ABCA7: variants seen among roughly 807,000 people sequenced by gnomAD.
The protein encoded by ABCA7 is phospholipid-transporting ATPase ABCA7.
Under a neutral mutation model 227.6 loss-of-function variants are expected in ABCA7, and 261 were observed. That is an observed-to-expected ratio of 1.15 (90% CI 1.04 to 1.27). The LOEUF is 1.27. Ranked by LOEUF, ABCA7 falls within the 50% of genes most tolerant of loss-of-function variation. The pLI is 0.00. For missense variants in ABCA7, 3,331 were observed against 2,924.5 expected (o/e 1.14, Z -3.21); for synonymous variants, 1,488 against 1,279.7 (o/e 1.16, Z -3.47).
In ABCA7 at chr19:1,060,294, C is replaced by T. The variant is rs142401317; in HGVS notation, c.5463+1209C>T. Among the ~76,000 whole-genome samples, 190 of 151,812 alleles carry T rather than the reference C, an allele frequency of 1.3e-3. No homozygotes were observed. In the East Asian group the frequency reaches 0.034, roughly 27 times the overall value. On this transcript the variant is annotated intron_variant, in intron 40 of 46. Transcript: ENST00000263094. ...TGGTGTAATCTTGGCTCACGGTAAC[C>T]TCCGCCTCCCAGGTTCAAGCGATTC... is the stretch of plus-strand genomic sequence containing the variant.
In ABCA7 at chr19:1,056,187, G is replaced by T; in HGVS notation, c.4360G>T (p.Val1454Phe). 6.2e-7 allele frequency: 1 copy of T among 1,606,922 alleles called. No homozygotes were observed. The highest frequency in any genetic ancestry group is 1.1e-5 in the South Asian group (1 of 90,778). Residue 1454 changes from valine to phenylalanine, a missense_variant, in exon 32 of 47, where the codon GTC (valine) becomes TTC (phenylalanine). Physicochemically the swap from Val to Phe is conservative, Grantham distance 50. Coordinates refer to ENST00000263094, the MANE Select transcript of ABCA7 (RefSeq NM_019112.4). The surrounding 1 kb of genome is among the most constrained non-coding windows in gnomAD (Gnocchi z 4.3). ...SPLPGGALDR[V>F]LKNLTAWAHS... ...CCTGCCTGGCGGGGCCCTCGACCGT[G>T]TCCTGAAAAACCTCACAGCCTGGGC...
chr19:1,047,520 AG>A lies in ABCA7; in HGVS notation c.2138del (p.Gly713AlafsTer84). Reference protein sequence around the residue: ...ESLALLEEQGEGAQWHNVGTR... With the variant: ...ESLALLEEQGXGAQWHNVGTR... Reference sequence around the variant, plus strand: ...CTGGCTCTGCTGGAGGAGCAGGGCGAGGGCGCGCAGTGGCACAACGTGGGCA... The same window carrying A: ...CTGGCTCTGCTGGAGGAGCAGGGCGAGGCGCGCAGTGGCACAACGTGGGCA... On this transcript the variant is annotated frameshift_variant, in exon 16 of 47. Transcript: ENST00000263094. LOFTEE classifies it high-confidence loss of function. The A allele has an allele frequency of 1.3e-6, 2 of 1,591,640 alleles. No homozygotes were observed. Among genetic ancestry groups the A allele is most frequent in the Admixed American group, 1.7e-5 (1 of 58,698 alleles).
At chr19:1,042,953 G>A (rs1162274911) in intron 7 of ABCA7, 88 bp from the exon 8 acceptor site, 3 of 1,516,138 alleles carry the variant, frequency 2.0e-6, no homozygotes, top group African/African-American at 1.4e-5. Flanking sequence ...ACAGCGAGAG[G>A]GAGAGGCTGC....
At chr19:1,050,167 TG>T (rs1322599915) in intron 18 of ABCA7, among the ~76,000 whole-genome samples, 3 of 151,376 alleles carry the variant, frequency 2.0e-5, no homozygotes, top group Non-Finnish European at 4.4e-5. Flanking sequence ...TCCCAGCACT[TG>T]GGCAAGCCGA....
chr19:1,049,132 TG>T (rs1767474396), intron 17 of ABCA7, 127 bp downstream of exon 17: 1 of 1,117,192 alleles, frequency 9.0e-7, no homozygotes, highest in African/African-American at 1.6e-5. Flanking sequence ...CTGAAGACAC[TG>T]CGGTCCCCAA....
chr19:1,051,460 C>T lies in ABCA7; in HGVS notation c.2836C>T (p.Arg946Trp), dbSNP rs201761874. ...QTRHLSGGMQRKLSVAIAFVG... is the reference protein window; with the variant it reads ...QTRHLSGGMQWKLSVAIAFVG... ...CCCATCTCTACCAGGTGGGATGCAA[C>T]GGAAGCTGTCCGTGGCCATTGCCTT... Residue 946 changes from arginine (R) to tryptophan (W), a missense_variant, in exon 21 of 47, where the codon CGG becomes TGG. Transcript: ENST00000263094. 3.2e-6 allele frequency: 5 copies of T among 1,578,088 alleles called. No individual in the cohort carries two copies. The highest frequency in any genetic ancestry group is 2.2e-5 in the South Asian group (2 of 89,436).
chr19:1,056,450 C>T lies in ABCA7; in HGVS notation c.4537C>T (p.Leu1513Phe). Residue 1513 changes from leucine (L) to phenylalanine (F), a missense_variant, in exon 33 of 47, where the codon CTC becomes TTC. By Grantham distance (22) the Leu-to-Phe change is conservative. Coordinates refer to ENST00000263094, the MANE Select transcript of ABCA7 (RefSeq NM_019112.4). This position sits in a 1 kb window ranked among gnomAD's most constrained non-coding sequence, Gnocchi z 4.3. Reference protein sequence around the residue: ...PARHAHSITTLNHPLNLTKEQ... With the variant: ...PARHAHSITTFNHPLNLTKEQ... ...CCGCCACGCCCACAGCATCACCACA[C>T]TCAACCACCCCTTGAACCTCACCAA... The T allele has an allele frequency of 6.2e-7, 1 of 1,613,748 alleles. No homozygotes were observed. The highest frequency in any genetic ancestry group is 8.5e-7 in the Non-Finnish European group (1 of 1,180,022).
In ABCA7 at chr19:1,042,125, C is replaced by A. The variant is rs1354526271; in HGVS notation, c.364C>A (p.Leu122Met). The change falls in exon 5 of 47, where the codon CTG becomes ATG. Residue 122 changes from leucine to methionine, a missense_variant. By Grantham distance (15) the Leu-to-Met change is conservative. Transcript: ENST00000263094. Reference sequence around the variant, plus strand: ...GGGAGGGGCCAGTGCCCACAGGACGCTGGCTGGCCTAGGGAAGCTGATCGC... The same window carrying A: ...GGGAGGGGCCAGTGCCCACAGGACGATGGCTGGCCTAGGGAAGCTGATCGC... ...VLGGASAHRT[L>M]AGLGKLIATL... 6.3e-7 allele frequency: 1 copy of A among 1,599,284 alleles called. No homozygotes were observed. The highest frequency in any genetic ancestry group is 1.3e-5 in the African/African-American group (1 of 75,030).
At position 1,054,226 on chromosome 19, in the gene ABCA7, G is replaced by T; in HGVS notation, c.3611G>T (p.Gly1204Val). The change falls in exon 27 of 47, where the codon GGG (glycine) becomes GTG (valine). Residue 1204 changes from glycine to valine, a missense_variant. Coordinates refer to ENST00000263094, the MANE Select transcript of ABCA7 (RefSeq NM_019112.4). The surrounding 1 kb of genome is among the most constrained non-coding windows in gnomAD (Gnocchi z 4.8). ...GSAPETDQGS[G>V]PDAVGRVQGW... Reference sequence around the variant, plus strand: ...GCCCCAGAGACTGACCAGGGCTCTGGGCCAGACGCCGTGGGCCGGGTACAG... The same window carrying T: ...GCCCCAGAGACTGACCAGGGCTCTGTGCCAGACGCCGTGGGCCGGGTACAG... 2 of 1,608,558 alleles carry T rather than the reference G, an allele frequency of 1.2e-6. No individual in the cohort carries two copies. The highest frequency in any genetic ancestry group is 2.2e-5 in the South Asian group (2 of 90,892).
At chr19:1,058,308 A>C (rs1720728871) in intron 37 of ABCA7, 39 bp downstream of exon 37, 6 of 1,609,656 alleles carry the variant, frequency 3.7e-6, no homozygotes, top group Non-Finnish European at 4.2e-6. Context: ...GGCTACAGAT[A>C]GCTAGCACCC....
chr19:1,057,791 C>CA, intron 35 of ABCA7, 124 bp from the exon 36 acceptor site: 1 of 1,119,270 alleles, frequency 8.9e-7, no homozygotes, highest in Non-Finnish European at 1.2e-6. Flanking sequence ...AAAAAAAAAA[C>CA]AGAAATGTGC....
At chr19:1,064,521 G>A (rs1020673704) in intron 45 of ABCA7, 1 of 525,148 alleles carries the variant, frequency 1.9e-6, no homozygotes, top group African/African-American at 2.0e-5. Context: ...GCAGCCTGGA[G>A]AGGTGAGGGT....
At chr19:1,059,156 C>A (rs1258822621) in intron 40 of ABCA7, 71 bp downstream of exon 40, 3 of 1,539,504 alleles carry the variant, frequency 1.9e-6, no homozygotes, top group Non-Finnish European at 2.6e-6. Context: ...TGCCCATCAT[C>A]CTTTACTGAA....
chr19:1,065,179 C>G lies in ABCA7; in HGVS notation c.6285+8C>G. Reference sequence around the variant, plus strand: ...CAGACGATGCTGGAGGAGGTGATCACGGCGCCGGGGTCGGGCTGGGGGAGG... The same window carrying G: ...CAGACGATGCTGGAGGAGGTGATCAGGGCGCCGGGGTCGGGCTGGGGGAGG... On this transcript the variant is annotated splice_region_variant and intron_variant, in intron 46 of 46. Coordinates refer to ENST00000263094, the MANE Select transcript of ABCA7 (RefSeq NM_019112.4). 6.3e-7 allele frequency: 1 copy of G among 1,593,262 alleles called. No homozygotes were observed. Among genetic ancestry groups the G allele is most frequent in the Non-Finnish European group, 8.6e-7 (1 of 1,167,686 alleles).
chr19:1,046,290 C>T lies in ABCA7; in HGVS notation c.1506C>T (p.Gly502=), dbSNP rs1249807514. ...PLTDLRYVWG[G]FVYLQDLVER... is the part of the protein sequence containing the mutation. ...CCGACCTGCGCTACGTGTGGGGCGG[C>T]TTCGTGTACCTGCAAGACCTGGTGG... Residue 502 remains glycine (G), a synonymous_variant, in exon 13 of 47, where the codon GGC becomes GGT. Transcript: ENST00000263094. 4 of 1,606,114 alleles carry T rather than the reference C, an allele frequency of 2.5e-6. No individual in the cohort carries two copies. The highest frequency in any genetic ancestry group is 2.5e-6 in the Non-Finnish European group (3 of 1,179,720).
chr19:1,055,459 TGGGGCTAC>T, intron 30 of ABCA7, 108 bp downstream of exon 30: 4 of 1,321,572 alleles, frequency 3.0e-6, no homozygotes, highest in Non-Finnish European at 3.0e-6. Flanking sequence ...ATGCCCAGCT[TGGGGCTAC>T]GGGCTGGGAG....
In ABCA7 at chr19:1,059,063, G is replaced by T. The variant is rs1219311568; in HGVS notation, c.5441G>T (p.Cys1814Phe). Residue 1814 changes from cysteine to phenylalanine, a missense_variant, in exon 40 of 47, where the codon TGC (cysteine) becomes TTC (phenylalanine). By Grantham distance (205) the Cys-to-Phe change is radical. Coordinates refer to ENST00000263094, the MANE Select transcript of ABCA7 (RefSeq NM_019112.4). Reference sequence around the variant, plus strand: ...AGGATGCCAGCTGTTGACCGCTTGTGCCTGGGGATTCCCCCTGGTGAGGTG... The same window carrying T: ...AGGATGCCAGCTGTTGACCGCTTGTTCCTGGGGATTCCCCCTGGTGAGGTG... ...GQRMPAVDRL[C>F]LGIPPGECFG... 1 of 1,613,586 alleles carries T rather than the reference G, an allele frequency of 6.2e-7. No individual in the cohort carries two copies. Among genetic ancestry groups the T allele is most frequent in the African/African-American group, 1.3e-5 (1 of 74,998 alleles).
At position 1,051,606 on chromosome 19, in the gene ABCA7, C is replaced by T; in HGVS notation, c.2962+20C>T. 1 of 1,599,850 alleles carries T rather than the reference C, an allele frequency of 6.3e-7. No individual in the cohort carries two copies. The highest frequency in any genetic ancestry group is 1.1e-5 in the South Asian group (1 of 90,520). Reference sequence around the variant, plus strand: ...GAGAAGGTAAGAGCTGGGGATTCTGCTCGAGGGGCCAGAAAAGGCTTCTGA... The same window carrying T: ...GAGAAGGTAAGAGCTGGGGATTCTGTTCGAGGGGCCAGAAAAGGCTTCTGA... On this transcript the variant is annotated intron_variant, in intron 21 of 46. Transcript: ENST00000263094.
intron 21 of ABCA7, 107 bp from the exon 22 acceptor site, chr19:1,051,835 A>G (rs1568333605): frequency 7.0e-6 from 10 of 1,433,328 alleles, no homozygotes; most frequent in Non-Finnish European, 8.5e-6. Context: ...GTTTTGAGGG[A>G]TGAATAGGAG....
Sources: gnomAD v4.1 joint callset for allele counts (sites outside exome capture counted in the v4.1 genomes callset) on GRCh38, gnomAD v4.1.1 for gene constraint, Gnocchi (gnomAD v3.1) non-coding constraint, MANE v1.5 for transcripts, NCBI Gene and HGNC (gene_info 2026-07-23, HGNC 2026-07-21) for gene names.